The following VSTM2L variants were observed in gnomAD, a reference collection of about 807,000 sequenced individuals.
VSTM2L encodes the protein V-set and transmembrane domain-containing protein 2-like protein.
In VSTM2L, 9 loss-of-function variants were observed where a neutral mutation model predicts 19.9. The observed-to-expected ratio is 0.45, with a 90% CI of 0.27 to 0.79. The LOEUF (loss-of-function observed/expected upper bound fraction) is 0.79, where lower values mean the gene tolerates loss of function less well. VSTM2L is among the 30% of genes least tolerant of loss of function. VSTM2L has a pLI of 0.15. For missense variants in VSTM2L, 286 were observed against 295.5 expected, an observed-to-expected ratio of 0.97 and a Z score of 0.24; for synonymous variants, 127 against 133.8, an observed-to-expected ratio of 0.95 and a Z score of 0.35.
Position 37,944,266 on chromosome 20 carries a change from G to GC in VSTM2L, c.*18dup, listed in dbSNP as rs1568845770. The stretch of plus-strand genomic sequence containing the variant: ...CTGCAGCCTCTAGACTGATGCCCCT[G>GC]CCCCCGCCCATCCGCCCCCACGCTG... On this transcript the variant is annotated 3_prime_UTR_variant, in exon 4 of 4. Transcript: ENST00000373461. 1 of 1,468,058 alleles carries GC rather than the reference G, an allele frequency of 6.8e-7. No homozygotes were observed. Among genetic ancestry groups the GC allele is most frequent in the East Asian group, 2.5e-5 (1 of 39,592 alleles). 90.9% of individuals were successfully genotyped at this position (1,468,058 alleles called of 1,614,324 possible). A position where few individuals can be genotyped will look rare whatever the true frequency, so the allele number is the denominator to read the frequency against.
chr20:37,925,335 G>C (rs1461630878), intron 1 of VSTM2L, among the ~76,000 whole-genome samples: 3 of 152,136 alleles, frequency 2.0e-5, no homozygotes, highest in Non-Finnish European at 4.4e-5. Flanking sequence ...GATCTGAGCT[G>C]GTGGGGCTCT....
At chr20:37,914,377 G>GGGGGAGTATTTGGGT (rs2072800755) in intron 1 of VSTM2L, among the ~76,000 whole-genome samples, 1 of 2,418 alleles carries the variant, frequency 4.1e-4, no homozygotes, top group Admixed American at 4.9e-3. Flanking sequence ...TATGTGTGTG[G>GGGGGAGTATTTGGGT]GTGTATGTGT....
At chr20:37,928,688 A>C (rs2072892121) in intron 1 of VSTM2L, among the ~76,000 whole-genome samples, 1 of 152,152 alleles carries the variant, frequency 6.6e-6, no homozygotes, top group Admixed American at 6.5e-5. Flanking sequence ...CCCGGAGGTC[A>C]AGGCTGCCGC....
At chr20:37,934,477 C>T (rs1450377292) in intron 3 of VSTM2L, among the ~76,000 whole-genome samples, 1 of 152,200 alleles carries the variant, frequency 6.6e-6, no homozygotes, top group Non-Finnish European at 1.5e-5. Flanking sequence ...CAGCAACACA[C>T]TCAGAAAAGG....
Position 37,944,519 on chromosome 20 carries a change from G to A in VSTM2L, c.*266G>A. 8.2e-7 allele frequency: 1 copy of A among 1,216,024 alleles called. No individual in the cohort carries two copies. The highest frequency in any genetic ancestry group is 3.2e-4 in the Middle Eastern group (1 of 3,162). 75.3% of individuals were successfully genotyped at this position (1,216,024 alleles called of 1,614,324 possible). A position where few individuals can be genotyped will look rare whatever the true frequency, so the allele number is the denominator to read the frequency against. The stretch of plus-strand genomic sequence containing the variant: ...CCAACCGCCCTGAACACTGGGGCAG[G>A]GACCATGCTGGGGCCCGGGGCCACC... On this transcript the variant is annotated 3_prime_UTR_variant, in exon 4 of 4. Coordinates refer to ENST00000373461, the MANE Select transcript of VSTM2L (RefSeq NM_080607.3).
chr20:37,943,766 C>A lies in VSTM2L; in HGVS notation c.343-215C>A, dbSNP rs373045862. On this transcript the variant is annotated intron_variant, in intron 3 of 3. Transcript: ENST00000373461. The stretch of plus-strand genomic sequence containing the variant: ...CTCTGCAGTGCTTCATGCAGGGAAC[C>A]GGCCACTGCTTAGTTATGTGGTCTG... Among the ~76,000 whole-genome samples the A allele has an allele frequency of 4.6e-5, 7 of 152,254 alleles. No homozygotes were observed. In the East Asian group the frequency reaches 1.2e-3, roughly 25 times the overall value.
chr20:37,927,833 CA>C lies in VSTM2L; in HGVS notation c.122-3801del, dbSNP rs2072887105. ...CTGTTCTCCTCCCACTCATGAGACG[CA>C]CACACATTGTCTCCCGTGCCCCCGC... is the stretch of plus-strand genomic sequence containing the variant. On this transcript the variant is annotated intron_variant, in intron 1 of 3. Coordinates refer to ENST00000373461, the MANE Select transcript of VSTM2L (RefSeq NM_080607.3). 2.6e-5 allele frequency among the ~76,000 whole-genome samples: 4 copies of C among 152,310 alleles called. No individual in the cohort carries two copies. In the South Asian group the frequency reaches 8.3e-4, roughly 32 times the overall value.
chr20:37,915,418 G>A (rs115497394), intron 1 of VSTM2L, among the ~76,000 whole-genome samples: 2,064 of 152,194 alleles, frequency 0.014, 43 homozygotes, highest in African/African-American at 0.047. Context: ...AATAGCCCTA[G>A]GGTTTAATAA....
At chr20:37,926,403 G>A (rs923838730) in intron 1 of VSTM2L, among the ~76,000 whole-genome samples, 25 of 152,032 alleles carry the variant, frequency 1.6e-4, no homozygotes, top group African/African-American at 4.6e-4. Flanking sequence ...GGCCAGGCGC[G>A]GTGGCTCACA....
intron 3 of VSTM2L, among the ~76,000 whole-genome samples, chr20:37,940,331 G>T (rs1042995381): frequency 6.6e-6 from 1 of 152,240 alleles, no homozygotes; most frequent in African/African-American, 2.4e-5. Context: ...CAGCTGGGAG[G>T]GTTTCCCACT....
chr20:37,935,164 C>T (rs935655089), intron 3 of VSTM2L, among the ~76,000 whole-genome samples: 4 of 152,130 alleles, frequency 2.6e-5, no homozygotes, highest in Non-Finnish European at 4.4e-5. Context: ...GAGGGAAATG[C>T]GACAATGCTA....
chr20:37,935,507 A>G (rs2072934471), intron 3 of VSTM2L, among the ~76,000 whole-genome samples: 1 of 150,314 alleles, frequency 6.7e-6, no homozygotes, highest in Non-Finnish European at 1.5e-5. Flanking sequence ...CAGCCTTTCC[A>G]CCTTCCCATT....
intron 1 of VSTM2L, among the ~76,000 whole-genome samples, chr20:37,918,116 T>A (rs1286492031): frequency 1.3e-5 from 2 of 152,180 alleles, no homozygotes; most frequent in African/African-American, 4.8e-5. Context: ...TAAGTGGGTG[T>A]TAGTTCTCAC....
In VSTM2L at chr20:37,936,248, G is replaced by T. The variant is rs73905507; in HGVS notation, c.342+2659G>T. Among the ~76,000 whole-genome samples, 523 of 152,000 alleles carry T rather than the reference G, an allele frequency of 3.4e-3. 4 individuals carry two copies. The highest frequency in any genetic ancestry group is 0.012 in the African/African-American group (491 of 41,336). The stretch of plus-strand genomic sequence containing the variant: ...TGCGTACCGGTGACATGACGTGAAC[G>T]AGTGAAAGAGCTCCTGCGGGGGCCC... On this transcript the variant is annotated intron_variant, in intron 3 of 3. Transcript: ENST00000373461.
chr20:37,925,333 C>T (rs760203454), intron 1 of VSTM2L, among the ~76,000 whole-genome samples: 1 of 152,130 alleles, frequency 6.6e-6, no homozygotes, highest in African/African-American at 2.4e-5. Context: ...ATGATCTGAG[C>T]TGGTGGGGCT....
intron 1 of VSTM2L, among the ~76,000 whole-genome samples, chr20:37,923,531 G>C (rs1433161606): frequency 6.6e-6 from 1 of 152,234 alleles, no homozygotes; most frequent in African/African-American, 2.4e-5. Flanking sequence ...AGCGAGCCCA[G>C]CCCAGCTCAG....
chr20:37,912,894 T>G (rs1002150375), intron 1 of VSTM2L, among the ~76,000 whole-genome samples: 27 of 152,156 alleles, frequency 1.8e-4, no homozygotes, highest in African/African-American at 6.3e-4. Flanking sequence ...GATCTTTATC[T>G]CTTTTCCTCT....
At chr20:37,937,136 G>T (rs1176949024) in intron 3 of VSTM2L, among the ~76,000 whole-genome samples, 1 of 152,090 alleles carries the variant, frequency 6.6e-6, no homozygotes, top group Non-Finnish European at 1.5e-5. Flanking sequence ...TGGGAAAATC[G>T]CTTGAACCCA....
At chr20:37,919,993 C>A (rs1245297111) in intron 1 of VSTM2L, among the ~76,000 whole-genome samples, 1 of 152,168 alleles carries the variant, frequency 6.6e-6, no homozygotes, top group Non-Finnish European at 1.5e-5. Flanking sequence ...TTCCTTCAAC[C>A]CCGGGGCAGG....
Sources: allele counts gnomAD v4.1 joint callset (sites outside exome capture counted in the v4.1 genomes callset), GRCh38; gene constraint gnomAD v4.1.1; transcripts MANE v1.5; gene names NCBI Gene and HGNC (gene_info 2026-07-23, HGNC 2026-07-21).